ZBTB38: variants seen among roughly 807,000 people sequenced by gnomAD.
ZBTB38 encodes zinc finger and BTB domain-containing protein 38.
ZBTB38 carries 20 observed loss-of-function variants against 76.8 expected under a neutral mutation model. The observed-to-expected ratio is 0.26, with a 90% CI of 0.18 to 0.38. The LOEUF (loss-of-function observed/expected upper bound fraction) is 0.38. Ranked by LOEUF, ZBTB38 falls within the 10% of genes least tolerant of loss-of-function variation. The pLI, the probability that ZBTB38 is intolerant of heterozygous loss-of-function variation, is 1.00. For missense variants in ZBTB38, 1,082 were observed against 1,482.3 expected, an observed-to-expected ratio of 0.73 and a Z score of 4.43; for synonymous variants, 504 against 544.2, an observed-to-expected ratio of 0.93 and a Z score of 1.03.
At chr3:141,424,425 TG>T (rs779979248) in intron 5 of ZBTB38, among the ~76,000 whole-genome samples, 23 of 152,020 alleles carry the variant, frequency 1.5e-4, no homozygotes, top group Non-Finnish European at 3.4e-4. Flanking sequence ...GGATCTGAGA[TG>T]GGAGGATCAC....
chr3:141,401,180 A>T (rs1212262973), intron 4 of ZBTB38, among the ~76,000 whole-genome samples: 1 of 152,186 alleles, frequency 6.6e-6, no homozygotes, highest in Non-Finnish European at 1.5e-5. Context: ...GCATATACAA[A>T]AACATTGCAG....
intron 1 of ZBTB38, among the ~76,000 whole-genome samples, chr3:141,332,994 T>C (rs1942896794): frequency 6.6e-6 from 1 of 152,202 alleles, no homozygotes; most frequent in Non-Finnish European, 1.5e-5. Context: ...GAAAGGGGTT[T>C]CTTAAACAAT....
intron 5 of ZBTB38, among the ~76,000 whole-genome samples, chr3:141,435,513 C>CT (rs1035761148): frequency 5.3e-5 from 8 of 151,586 alleles, no homozygotes; most frequent in Non-Finnish European, 8.8e-5. Context: ...AATCCCAGCA[C>CT]TTTGGGAGGC....
rs760803029 is a variant in ZBTB38, at chr3:141,445,434, G to A, written c.3046G>A (p.Ala1016Thr). The A allele has an allele frequency of 6.2e-6, 10 of 1,614,124 alleles. No individual in the cohort carries two copies. The Admixed American group carries it at 1.2e-4, about 19-fold the overall frequency. Residue 1016 changes from alanine (A) to threonine (T), a missense_variant, in exon 6 of 6, where the codon GCC becomes ACC. Ala to Thr is a moderately conservative substitution (Grantham distance 58). This residue lies in a region of ZBTB38 where 471 missense variants were observed against 581.0 expected (regional missense o/e 0.81). Transcript: ENST00000321464. The surrounding 1 kb of genome is among the most constrained non-coding windows in gnomAD (Gnocchi z 6.5). Reference protein sequence around the residue: ...TSRPYACELCAKQFQSPSTLK... With the variant: ...TSRPYACELCTKQFQSPSTLK... Reference sequence around the variant, plus strand: ...TCGGCCATATGCCTGCGAGCTCTGCGCCAAGCAGTTCCAGAGCCCTTCCAC... The same window carrying A: ...TCGGCCATATGCCTGCGAGCTCTGCACCAAGCAGTTCCAGAGCCCTTCCAC...
intron 5 of ZBTB38, among the ~76,000 whole-genome samples, chr3:141,433,372 T>C (rs1310188886): frequency 2.6e-5 from 4 of 151,988 alleles, no homozygotes; most frequent in Non-Finnish European, 4.4e-5. Context: ...TCAAACTTTT[T>C]GGTCCCTAGA....
chr3:141,412,728 G>C (rs970107795), intron 5 of ZBTB38, among the ~76,000 whole-genome samples: 2 of 151,864 alleles, frequency 1.3e-5, no homozygotes, highest in African/African-American at 4.8e-5. Flanking sequence ...CTTTCTTTTG[G>C]GGTGAAATTG....
chr3:141,388,188 C>T (rs1947713300), intron 4 of ZBTB38: 2 of 151,916 alleles, frequency 1.3e-5, no homozygotes, highest in African/African-American at 4.8e-5. Flanking sequence ...GATGATTCAG[C>T]TCCATTTCAG....
At position 141,444,739 on chromosome 3, in the gene ZBTB38, C is replaced by G. The variant is rs751116000; in HGVS notation, c.2351C>G (p.Thr784Ser). 6.2e-7 allele frequency: 1 copy of G among 1,613,976 alleles called. No homozygotes were observed. Among genetic ancestry groups the G allele is most frequent in the Non-Finnish European group, 8.5e-7 (1 of 1,180,038 alleles). Residue 784 changes from threonine to serine, a missense_variant, in exon 6 of 6, where the codon ACC becomes AGC. By Grantham distance (58) the Thr-to-Ser change is moderately conservative (BLOSUM62 1). Transcript: ENST00000321464. The surrounding 1 kb of genome is among the most constrained non-coding windows in gnomAD (Gnocchi z 5.1). ...IKEKKKTTSH[T>S]RGEIPEESNY... ...GAGAAAAAGAAAACTACATCACATA[C>G]CAGGGGAGAAATACCGGAGGAGTCA...
intron 1 of ZBTB38, among the ~76,000 whole-genome samples, chr3:141,345,192 G>A (rs1384518831): frequency 2.0e-5 from 3 of 152,168 alleles, no homozygotes; most frequent in Non-Finnish European, 4.4e-5. Context: ...ACCCACTCCA[G>A]ATAGATGTAT....
At chr3:141,431,656 C>T (rs2077644306) in intron 5 of ZBTB38, 1 of 152,108 alleles carries the variant, frequency 6.6e-6, no homozygotes, top group Non-Finnish European at 1.5e-5. Context: ...TACTCGTTCT[C>T]ACAATCCTAT....
chr3:141,333,727 C>G (rs894097679), intron 1 of ZBTB38, among the ~76,000 whole-genome samples: 7 of 152,140 alleles, frequency 4.6e-5, no homozygotes, highest in Non-Finnish European at 8.8e-5. Flanking sequence ...CCAGAGACAT[C>G]TGGCCCTGCA....
At position 141,445,825 on chromosome 3, in the gene ZBTB38, AAC is replaced by A; in HGVS notation, c.3440_3441del (p.His1147LeufsTer13). The A allele has an allele frequency of 6.2e-7, 1 of 1,614,194 alleles. No individual in the cohort carries two copies. Among genetic ancestry groups the A allele is most frequent in the Non-Finnish European group, 8.5e-7 (1 of 1,180,032 alleles). On this transcript the variant is annotated frameshift_variant, in exon 6 of 6. Transcript: ENST00000321464. LOFTEE classifies it high-confidence loss of function. This position sits in a 1 kb window ranked among gnomAD's most constrained non-coding sequence, Gnocchi z 6.5. ...GCTGCCCTTGGAATGCACCAAAAGAAACACTTATTCAAAAGCCCAAGTCAGCA... is the reference window on the plus strand; with the variant it reads ...GCTGCCCTTGGAATGCACCAAAAGAAACTTATTCAAAAGCCCAAGTCAGCA...
At chr3:141,375,492 C>T (rs77022697) in intron 2 of ZBTB38, among the ~76,000 whole-genome samples, 4,305 of 152,308 alleles carry the variant, frequency 0.028, 82 homozygotes, top group South Asian at 0.06. Context: ...AAGGGGCCCA[C>T]GTGCCCATCT....
intron 5 of ZBTB38, among the ~76,000 whole-genome samples, chr3:141,428,944 A>G (rs1331161334): frequency 6.6e-6 from 1 of 152,228 alleles, no homozygotes; most frequent in African/African-American, 2.4e-5. Flanking sequence ...TATGGTGACC[A>G]TCCTCATGTA....
intron 2 of ZBTB38, among the ~76,000 whole-genome samples, 156 bp downstream of exon 2, chr3:141,370,102 T>C (rs1944316664): frequency 6.6e-6 from 1 of 152,244 alleles, no homozygotes; most frequent in Non-Finnish European, 1.5e-5. Flanking sequence ...GATAGGCTAA[T>C]TGTTATAATA....
At chr3:141,382,109 G>A (rs967384193) in intron 3 of ZBTB38, among the ~76,000 whole-genome samples, 1 of 152,186 alleles carries the variant, frequency 6.6e-6, no homozygotes, top group Admixed American at 6.5e-5. Flanking sequence ...GTCAGTTTTA[G>A]CCGGGCACAG....
At chr3:141,378,289 C>G (rs1204959440) in intron 2 of ZBTB38, among the ~76,000 whole-genome samples, 2 of 152,096 alleles carry the variant, frequency 1.3e-5, no homozygotes, top group Admixed American at 6.6e-5. Context: ...TGACTATTCT[C>G]TATTCTGATG....
At chr3:141,334,226 G>A (rs77990862) in intron 1 of ZBTB38, among the ~76,000 whole-genome samples, 71 of 146,398 alleles carry the variant, frequency 4.8e-4, no homozygotes, top group Non-Finnish European at 3.9e-4. Context: ...GTATTTAAAA[G>A]AAAAAAAAAA....
chr3:141,434,169 A>T, intron 5 of ZBTB38: 1 of 985,222 alleles, frequency 1.0e-6, no homozygotes, highest in Non-Finnish European at 1.2e-6. Flanking sequence ...TGGGAAACCA[A>T]AAACTAGAAA....
Sources: allele counts gnomAD v4.1 joint callset (sites outside exome capture counted in the v4.1 genomes callset), GRCh38; gene constraint gnomAD v4.1.1; regional missense constraint gnomAD v4.1.1; non-coding constraint Gnocchi (gnomAD v3.1); transcripts MANE v1.5; gene names NCBI Gene and HGNC (gene_info 2026-07-23, HGNC 2026-07-21).